Variants in TACC2 observed in about 807,000 individuals in gnomAD.
The protein encoded by TACC2 is transforming acidic coiled-coil containing protein 2, also known as transforming acidic coiled-coil-containing protein 2.
A neutral mutation model predicts 227.3 loss-of-function variants in TACC2; 137 were observed. That is an observed-to-expected ratio of 0.60 (90% confidence interval 0.52 to 0.69). TACC2 has a LOEUF of 0.69. Among genes scored for constraint, TACC2 ranks in the 30% least tolerant of loss-of-function variants. The pLI is 0.00. For missense variants in TACC2, 3,470 were observed against 3,694.4 expected (o/e 0.94, Z 1.57); for synonymous variants, 1,523 against 1,487.5 (o/e 1.02, Z -0.55).
At chr10:122,117,411 T>G (rs2084905437) in intron 5 of TACC2, among the ~76,000 whole-genome samples, 1 of 152,132 alleles carries the variant, frequency 6.6e-6, no homozygotes, top group Non-Finnish European at 1.5e-5. Context: ...CCCAGGCTGG[T>G]CTCGAACTCC....
chr10:122,184,087 G>T (rs1167646449), intron 7 of TACC2, among the ~76,000 whole-genome samples: 1 of 152,218 alleles, frequency 6.6e-6, no homozygotes, highest in Non-Finnish European at 1.5e-5. Context: ...GTCAGCTGAG[G>T]TGAGCGGCCG....
intron 8 of TACC2, among the ~76,000 whole-genome samples, chr10:122,204,384 T>C (rs1182018510): frequency 6.6e-6 from 1 of 152,200 alleles, no homozygotes; most frequent in Non-Finnish European, 1.5e-5. Context: ...GGCTGAGCCC[T>C]TGTGCTGATG....
chr10:122,146,811 C>T (rs2139344168), intron 7 of TACC2, among the ~76,000 whole-genome samples: 1 of 152,228 alleles, frequency 6.6e-6, no homozygotes, highest in East Asian at 1.9e-4. Context: ...TTTTTCTGTT[C>T]CAGGATCCCA....
intron 3 of TACC2, among the ~76,000 whole-genome samples, chr10:122,060,286 A>C (rs920050769): frequency 2.0e-5 from 3 of 152,056 alleles, no homozygotes; most frequent in African/African-American, 4.8e-5. Context: ...CAGGCGGTCA[A>C]AGAAGGGGCC....
In TACC2 at chr10:122,088,369, A is replaced by G. The variant is rs561804969; in HGVS notation, c.5460-109A>G. ...TTTTCCTAGGGATTTTTTTTTTTGT[A>G]GTAGCCACTTAAAACTTTAATTGAG... On this transcript the variant is annotated intron_variant, in intron 4 of 22. Transcript: ENST00000369005. 346 of 864,984 alleles carry G rather than the reference A, an allele frequency of 4.0e-4. 1 individual carries two copies. In the African/African-American group the frequency reaches 5.4e-3, roughly 13 times the overall value. 53.6% of individuals were successfully genotyped at this position (864,984 alleles called of 1,614,324 possible). A position where few individuals can be genotyped will look rare whatever the true frequency, so the allele number is the denominator to read the frequency against.
At chr10:122,046,178 A>T (rs2074967286) in intron 2 of TACC2, among the ~76,000 whole-genome samples, 1 of 150,332 alleles carries the variant, frequency 6.7e-6, no homozygotes, top group African/African-American at 2.5e-5. Context: ...TCCATCTCAA[A>T]AATCATAATA....
In TACC2 at chr10:122,014,513, G is replaced by T. The variant is rs569443159; in HGVS notation, c.-45-7424G>T. Among the ~76,000 whole-genome samples, 4 of 152,008 alleles carry T rather than the reference G, an allele frequency of 2.6e-5. No individual in the cohort carries two copies. In the East Asian group the frequency reaches 7.7e-4, roughly 29 times the overall value. On this transcript the variant is annotated intron_variant, in intron 1 of 22. Transcript: ENST00000369005. ...GGCATGAGCCACCATACCCGGCCAA[G>T]ACCTGTGTGATCTTGTCTCCGATTC...
chr10:122,096,383 C>A (rs530794447), intron 5 of TACC2, among the ~76,000 whole-genome samples: 1 of 152,216 alleles, frequency 6.6e-6, no homozygotes, highest in Non-Finnish European at 1.5e-5. Context: ...ACAAACCCCC[C>A]GGTGGCCACA....
intron 7 of TACC2, among the ~76,000 whole-genome samples, chr10:122,185,384 TG>T (rs35994632): frequency 0.02 from 3,069 of 152,052 alleles, 111 homozygotes; most frequent in African/African-American, 0.071. Context: ...TTAGTAGAGA[TG>T]GGGTTTCTCC....
intron 2 of TACC2, among the ~76,000 whole-genome samples, chr10:122,047,717 C>T (rs1338267857): frequency 2.0e-5 from 3 of 152,192 alleles, no homozygotes; most frequent in Non-Finnish European, 2.9e-5. Flanking sequence ...CACAAATATC[C>T]ATCTTTCCCT....
chr10:122,198,555 C>G (rs907681505), intron 8 of TACC2, among the ~76,000 whole-genome samples: 5 of 152,218 alleles, frequency 3.3e-5, no homozygotes, highest in Admixed American at 6.5e-5. Context: ...TCATCTCCCA[C>G]TCAGGTGAGG....
chr10:122,004,402 A>C (rs1460094280), intron 1 of TACC2, among the ~76,000 whole-genome samples: 1 of 111,450 alleles, frequency 9.0e-6, no homozygotes, highest in Non-Finnish European at 2.2e-5. Context: ...TGTCTCAAAA[A>C]AAAAAAAAAA....
intron 7 of TACC2, chr10:122,163,644 C>G (rs2092961505): frequency 3.1e-6 from 3 of 982,722 alleles, no homozygotes; most frequent in Non-Finnish European, 3.7e-6. Context: ...ACGCTCATAC[C>G]CGCACGCCCC....
At chr10:122,230,300 C>T (rs376803731) in intron 15 of TACC2, 51 bp from the exon 16 acceptor site, 117 of 1,467,216 alleles carry the variant, frequency 8.0e-5, no homozygotes, top group East Asian at 7.9e-4. Context: ...AAACCATTGA[C>T]GTCTGTCTTG....
In TACC2 at chr10:122,211,098, A is replaced by G; in HGVS notation, c.6673A>G (p.Asn2225Asp). The G allele has an allele frequency of 6.2e-7, 1 of 1,612,648 alleles. No individual in the cohort carries two copies. The highest frequency in any genetic ancestry group is 1.1e-5 in the South Asian group (1 of 90,764). The change falls in exon 9 of 23, where the codon AAC (asparagine) becomes GAC (aspartate). Residue 2225 changes from asparagine to aspartate, a missense_variant. By Grantham distance (23) the Asn-to-Asp change is conservative (BLOSUM62 1). Coordinates refer to ENST00000369005, the MANE Select transcript of TACC2 (RefSeq NM_206862.4). ...GGCTTCTGGAGGTGGCAGAGTGCAG[A>G]ACTCACCCCCTGTCGGGAGGAAAAC... is the stretch of plus-strand genomic sequence containing the variant. ...PPASGGGRVQ[N>D]SPPVGRKTLP... is the part of the protein sequence containing the mutation.
chr10:122,144,726 G>A (rs993262917), intron 7 of TACC2, among the ~76,000 whole-genome samples: 7 of 152,172 alleles, frequency 4.6e-5, no homozygotes, highest in African/African-American at 1.4e-4. Flanking sequence ...CCCAGAGCTG[G>A]ACCAGAGTCT....
intron 16 of TACC2, among the ~76,000 whole-genome samples, chr10:122,230,988 A>G (rs755695127): frequency 9.2e-5 from 14 of 152,252 alleles, no homozygotes; most frequent in Non-Finnish European, 1.8e-4. Flanking sequence ...AGTGCAAATG[A>G]TAAGTATTTC....
chr10:122,195,012 T>C, intron 7 of TACC2, 28 bp from the exon 8 acceptor site: 1 of 1,589,752 alleles, frequency 6.3e-7, no homozygotes. Context: ...GGCCCCTGTC[T>C]AACCTGTGCT....
chr10:122,215,198 G>A (rs1458470119), intron 9 of TACC2, among the ~76,000 whole-genome samples, 193 bp from the exon 10 acceptor site: 1 of 152,162 alleles, frequency 6.6e-6, no homozygotes, highest in African/African-American at 2.4e-5. Context: ...TCCCTTGGGG[G>A]CAAAAATAAT....
Sources: gnomAD v4.1 joint callset for allele counts (sites outside exome capture counted in the v4.1 genomes callset) on GRCh38, gnomAD v4.1.1 for gene constraint, MANE v1.5 for transcripts, NCBI Gene and HGNC (gene_info 2026-07-23, HGNC 2026-07-21) for gene names.